IRAK1BP1: variants seen among roughly 807,000 people sequenced by gnomAD.
IRAK1BP1 encodes interleukin 1 receptor associated kinase 1 binding protein 1.
In IRAK1BP1, 24 loss-of-function variants were observed where a neutral mutation model predicts 28.0. The ratio of observed to expected loss-of-function variants is 0.86; its 90% confidence interval spans 0.62 to 1.20. IRAK1BP1 has a LOEUF of 1.20. Among genes scored for constraint, IRAK1BP1 ranks in the 50% most tolerant of loss-of-function variants. The pLI is 0.00. For missense variants in IRAK1BP1, 336 were observed against 316.7 expected (o/e 1.06, Z -0.46); for synonymous variants, 131 against 116.3 (o/e 1.13, Z -0.81).
chr6:78,953,877 C>A, the IRAK1BP1 span, among the ~76,000 whole-genome samples: 4 of 151,994 alleles, frequency 2.6e-5, no homozygotes, highest in Non-Finnish European at 5.9e-5. Flanking sequence ...TAAGACACCA[C>A]GCCCGACCCC....
chr6:78,974,290 G>A, the IRAK1BP1 span, among the ~76,000 whole-genome samples: 1 of 151,858 alleles, frequency 6.6e-6, no homozygotes, highest in Non-Finnish European at 1.5e-5. Context: ...GGTACATAAT[G>A]AAATGAAGGC....
intron 1 of IRAK1BP1, 102 bp downstream of exon 1, chr6:78,867,993 G>A: frequency 7.8e-7 from 1 of 1,276,900 alleles, no homozygotes; most frequent in Non-Finnish European, 1.1e-6. Context: ...AGATGTGGAG[G>A]GTCTGGAGCG....
downstream of IRAK1BP1, chr6:78,946,950 A>G: frequency 1.3e-6 from 1 of 788,412 alleles, no homozygotes; most frequent in South Asian, 1.9e-5. Context: ...TGTAATGTAA[A>G]TATTTTTCCA....
In IRAK1BP1 at chr6:78,898,874, T is replaced by C. The variant is rs1212240584; in HGVS notation, c.*540T>C. Reference sequence around the variant, plus strand: ...ATAATTTTAAGTGCATCCTGTCAGGTCTGATATTTAATTTTACTTTAGTTA... The same window carrying C: ...ATAATTTTAAGTGCATCCTGTCAGGCCTGATATTTAATTTTACTTTAGTTA... On this transcript the variant is annotated 3_prime_UTR_variant, in exon 4 of 4. Coordinates refer to ENST00000369940, the MANE Select transcript of IRAK1BP1 (RefSeq NM_001010844.4). 6.6e-6 allele frequency: 1 copy of C among 152,032 alleles called. No homozygotes were observed. The highest frequency in any genetic ancestry group is 1.5e-5 in the Non-Finnish European group (1 of 68,006). 9.4% of individuals were successfully genotyped at this position (152,032 alleles called of 1,614,324 possible).
At chr6:78,954,825 G>T in the IRAK1BP1 span, 1 of 1,579,046 alleles carries the variant, frequency 6.3e-7, no homozygotes, top group Non-Finnish European at 8.6e-7. Flanking sequence ...GGATATTCAA[G>T]GAGATCTACC....
At chr6:78,973,957 G>C in the IRAK1BP1 span, among the ~76,000 whole-genome samples, 23 of 152,022 alleles carry the variant, frequency 1.5e-4, no homozygotes. Context: ...GTCAACATTA[G>C]ACAGATCAAC....
intron 4 of IRAK1BP1, among the ~76,000 whole-genome samples, chr6:78,910,924 C>A (rs1772397833): frequency 6.6e-6 from 1 of 152,252 alleles, no homozygotes; most frequent in Admixed American, 6.5e-5. Flanking sequence ...GGGTCTGAAC[C>A]GCTCCTTGGC....
chr6:78,962,670 T>G, the IRAK1BP1 span, among the ~76,000 whole-genome samples: 1 of 152,142 alleles, frequency 6.6e-6, no homozygotes. Flanking sequence ...GCAATTAATA[T>G]ACCCTCTCCT....
chr6:78,898,068 C>A lies in IRAK1BP1; in HGVS notation c.517C>A (p.Gln173Lys), dbSNP rs200096883. The change falls in exon 4 of 4, where the codon CAA becomes AAA. Residue 173 changes from glutamine (Q) to lysine (K), a missense_variant. By Grantham distance (53) the Gln-to-Lys change is moderately conservative. Coordinates refer to ENST00000369940, the MANE Select transcript of IRAK1BP1 (RefSeq NM_001010844.4). ...TCTCTCCATTTAATTCCTAAGACGG[C>A]AAGCCTGTCTTGTTGCTGTTGAGAA... ...TPGSVENLRR[Q>K]ACLVAVENAW... 1.0e-4 allele frequency: 164 copies of A among 1,608,378 alleles called. No individual in the cohort carries two copies. The East Asian group carries it at 3.5e-3, about 34-fold the overall frequency.
chr6:78,958,512 C>T, the IRAK1BP1 span: 1 of 1,561,418 alleles, frequency 6.4e-7, no homozygotes, highest in Non-Finnish European at 8.8e-7. Flanking sequence ...ACGAATTTAG[C>T]AGATTTCACA....
chr6:78,946,608 C>T (rs973091785), downstream of IRAK1BP1: 65 of 1,435,796 alleles, frequency 4.5e-5, no homozygotes, highest in Non-Finnish European at 5.8e-5. Context: ...AATTATCATT[C>T]TGCAATATAG....
chr6:78,967,692 A>G, the IRAK1BP1 span, among the ~76,000 whole-genome samples: 1 of 152,206 alleles, frequency 6.6e-6, no homozygotes, highest in East Asian at 1.9e-4. Context: ...TGAGAAAATT[A>G]TGATGCTCAT....
rs375099531 is a variant in IRAK1BP1 at position 78,898,096 on chromosome 6, C to T, written c.545C>T (p.Ala182Val). The T allele has an allele frequency of 2.2e-5, 35 of 1,612,100 alleles. No individual in the cohort carries two copies. Among genetic ancestry groups the T allele is most frequent in the South Asian group, 2.0e-4 (18 of 90,706 alleles). The change falls in exon 4 of 4, where the codon GCG becomes GTG. Residue 182 changes from alanine to valine, a missense_variant. Ala to Val is a moderately conservative substitution (Grantham distance 64). Coordinates refer to ENST00000369940, the MANE Select transcript of IRAK1BP1 (RefSeq NM_001010844.4). Reference sequence around the variant, plus strand: ...GCCTGTCTTGTTGCTGTTGAGAATGCGTGGCGCAAAGCTCAAGAAGTCTGT... The same window carrying T: ...GCCTGTCTTGTTGCTGTTGAGAATGTGTGGCGCAAAGCTCAAGAAGTCTGT... ...RQACLVAVEN[A>V]WRKAQEVCNL...
At chr6:78,925,237 G>C (rs1001403563) in intron 4 of IRAK1BP1, among the ~76,000 whole-genome samples, 4 of 151,970 alleles carry the variant, frequency 2.6e-5, no homozygotes, top group Non-Finnish European at 5.9e-5. Context: ...GAGTTAGTGG[G>C]TACGGCACAC....
At chr6:78,923,223 A>T (rs906504801) in intron 4 of IRAK1BP1, among the ~76,000 whole-genome samples, 3 of 151,940 alleles carry the variant, frequency 2.0e-5, no homozygotes, top group African/African-American at 7.2e-5. Flanking sequence ...AAACAGAAGG[A>T]GGAAGATCTA....
chr6:78,965,690 A>C, the IRAK1BP1 span: 2 of 1,461,152 alleles, frequency 1.4e-6, no homozygotes, highest in South Asian at 2.4e-5. Flanking sequence ...CAAAAAGCCT[A>C]ACACACACTT....
chr6:78,868,942 TACCCCGAA>T (rs1770694413), intron 1 of IRAK1BP1, among the ~76,000 whole-genome samples: 1 of 152,182 alleles, frequency 6.6e-6, no homozygotes, highest in African/African-American at 2.4e-5. Flanking sequence ...AGAAATTCCA[TACCCCGAA>T]AAAGCAAGTC....
the IRAK1BP1 span, among the ~76,000 whole-genome samples, chr6:78,976,421 C>A: frequency 9.3e-6 from 1 of 107,346 alleles, no homozygotes; most frequent in Non-Finnish European, 2.0e-5. Flanking sequence ...CCATAAAAAC[C>A]CTAGAAGAAA....
intron 4 of IRAK1BP1, among the ~76,000 whole-genome samples, chr6:78,915,136 A>G (rs989048467): frequency 6.6e-6 from 1 of 152,094 alleles, no homozygotes; most frequent in Non-Finnish European, 1.5e-5. Flanking sequence ...ACATGTTTTT[A>G]TAACCTAGGT....
Sources: gnomAD v4.1 joint callset for allele counts (sites outside exome capture counted in the v4.1 genomes callset) on GRCh38, gnomAD v4.1.1 for gene constraint, MANE v1.5 for transcripts, NCBI Gene and HGNC (gene_info 2026-07-23, HGNC 2026-07-21) for gene names.